CTNNA3: variants seen among roughly 807,000 people sequenced by gnomAD.
The protein encoded by CTNNA3 is catenin alpha-3.
CTNNA3 carries 76 observed loss-of-function variants against 95.7 expected under a neutral mutation model. The observed-to-expected ratio is 0.79, with a 90% CI of 0.66 to 0.96. The LOEUF is 0.96. CTNNA3 is among the 40% of genes least tolerant of loss of function. The probability of loss-of-function intolerance (pLI) is 0.00; values close to 1 mark genes in which losing one functional copy is unlikely to be tolerated. For synonymous variants in CTNNA3, 431 were observed against 374.4 expected, an observed-to-expected ratio of 1.15 and a Z score of -1.74; for missense variants, 1,191 against 1,089.8, an observed-to-expected ratio of 1.09 and a Z score of -1.31.
At chr10:66,334,967 C>G (rs567706896) in intron 12 of CTNNA3, among the ~76,000 whole-genome samples, 1 of 152,166 alleles carries the variant, frequency 6.6e-6, no homozygotes, top group South Asian at 2.1e-4. Flanking sequence ...CTTCTCGCTT[C>G]ATTTTATTCA....
intron 13 of CTNNA3, among the ~76,000 whole-genome samples, chr10:66,259,906 G>A (rs10509260): frequency 0.19 from 28,942 of 152,100 alleles, 3,080 homozygotes; most frequent in East Asian, 0.32. Context: ...AAACGAAAGA[G>A]TTGAGCTGCA....
intron 9 of CTNNA3, among the ~76,000 whole-genome samples, chr10:66,677,161 C>A (rs992734407): frequency 6.6e-6 from 1 of 152,006 alleles, no homozygotes; most frequent in Non-Finnish European, 1.5e-5. Flanking sequence ...AGATCAGGAA[C>A]CCTTATTCTG....
intron 13 of CTNNA3, among the ~76,000 whole-genome samples, chr10:66,255,983 C>T (rs2090754933): frequency 6.6e-6 from 1 of 152,118 alleles, no homozygotes; most frequent in Non-Finnish European, 1.5e-5. Context: ...GTGGATGAAA[C>T]TCATGCTCGT....
At chr10:66,635,374 T>A (rs1239261923) in intron 9 of CTNNA3, among the ~76,000 whole-genome samples, 1 of 152,096 alleles carries the variant, frequency 6.6e-6, no homozygotes, top group Non-Finnish European at 1.5e-5. Flanking sequence ...ATTAATAGGA[T>A]CATTGTGGAA....
chr10:66,900,464 C>G lies in CTNNA3; in HGVS notation c.1048-124940G>C, dbSNP rs1056261422. Among the ~76,000 whole-genome samples, 13 of 152,288 alleles carry G rather than the reference C, an allele frequency of 8.5e-5. No homozygotes were observed. The East Asian group carries it at 2.5e-3, about 29-fold the overall frequency. On this transcript the variant is annotated intron_variant, in intron 7 of 17. Coordinates refer to ENST00000433211, the MANE Select transcript of CTNNA3 (RefSeq NM_013266.4). ...ATTTCAAAAAAACAGAGTGCCTCTT[C>G]TCCCCCAGAGGATCACAGCTCCTCG...
rs559844359 is a variant in CTNNA3, at chr10:66,147,017, C to A, written c.1885-43768G>T. Among the ~76,000 whole-genome samples, 7 of 152,198 alleles carry A rather than the reference C, an allele frequency of 4.6e-5. No homozygotes were observed. In the South Asian group the frequency reaches 1.5e-3, roughly 32 times the overall value. ...ATGCTTTTGTTCTGAGGATATAAACCTTCTAAATTGCTCTTGAAGGTTGAA... is the reference window on the plus strand; with the variant it reads ...ATGCTTTTGTTCTGAGGATATAAACATTCTAAATTGCTCTTGAAGGTTGAA... On this transcript the variant is annotated intron_variant, in intron 13 of 17. Transcript: ENST00000433211.
chr10:66,458,994 T>C (rs2093511739), intron 11 of CTNNA3, among the ~76,000 whole-genome samples: 6 of 152,104 alleles, frequency 3.9e-5, no homozygotes, highest in Admixed American at 3.9e-4. Flanking sequence ...TATGCAGATA[T>C]TTTCAATAAA....
intron 5 of CTNNA3, among the ~76,000 whole-genome samples, chr10:67,304,858 G>A (rs1564550576): frequency 6.6e-6 from 1 of 151,958 alleles, no homozygotes; most frequent in Non-Finnish European, 1.5e-5. Context: ...AGGCTTTCTG[G>A]AGGAGACATC....
intron 5 of CTNNA3, among the ~76,000 whole-genome samples, chr10:67,374,006 T>C (rs1053692473): frequency 2.0e-5 from 3 of 152,210 alleles, no homozygotes; most frequent in Admixed American, 6.5e-5. Context: ...AAATGGTTCC[T>C]AGCAAATGGT....
Position 66,360,821 on chromosome 10 carries a change from CTTTCTTT to C in CTNNA3, c.1732+18324_1732+18330del, listed in dbSNP as rs1564897405. Among the ~76,000 whole-genome samples the C allele has an allele frequency of 7.5e-3, 405 of 53,936 alleles. 27 individuals carry two copies. Among genetic ancestry groups the C allele is most frequent in the African/African-American group, 0.042 (377 of 9,062 alleles). 35.4% of individuals were successfully genotyped at this position (53,936 alleles called of 152,430 possible). On this transcript the variant is annotated intron_variant, in intron 12 of 17. Transcript: ENST00000433211. ...CCTTCCTTCCTTCCTTCCTTCCTTT[CTTTCTTT>C]CTTTCTTTCTTTCTTTCTTTCTTTC... is the stretch of plus-strand genomic sequence containing the variant.
intron 7 of CTNNA3, among the ~76,000 whole-genome samples, chr10:66,932,073 C>G (rs181358459): frequency 2.0e-5 from 3 of 152,156 alleles, no homozygotes; most frequent in Admixed American, 1.3e-4. Context: ...GCTGATTGTG[C>G]CAGTGACCTG....
At chr10:66,591,621 A>G (rs1843554217) in intron 10 of CTNNA3, among the ~76,000 whole-genome samples, 1 of 152,032 alleles carries the variant, frequency 6.6e-6, no homozygotes, top group Admixed American at 6.6e-5. Flanking sequence ...ACCCATCTTT[A>G]GCTAACTCTC....
chr10:66,419,351 A>G (rs1401614482), intron 11 of CTNNA3, among the ~76,000 whole-genome samples: 1 of 152,126 alleles, frequency 6.6e-6, no homozygotes, highest in African/African-American at 2.4e-5. Flanking sequence ...AAATATCTCT[A>G]CAAGGAAAAC....
intron 5 of CTNNA3, among the ~76,000 whole-genome samples, chr10:67,256,105 C>T (rs1167849529): frequency 2.0e-5 from 3 of 152,050 alleles, no homozygotes; most frequent in African/African-American, 4.8e-5. Context: ...TTCTCTATCA[C>T]CAAACTGGAC....
chr10:67,595,354 A>G (rs890394121), intron 3 of CTNNA3, among the ~76,000 whole-genome samples: 5 of 152,138 alleles, frequency 3.3e-5, no homozygotes, highest in African/African-American at 1.2e-4. Context: ...CATTTATTCC[A>G]AAGTATTTCT....
intron 1 of CTNNA3, among the ~76,000 whole-genome samples, chr10:67,732,799 A>G (rs1223653633): frequency 1.3e-5 from 2 of 152,164 alleles, no homozygotes; most frequent in African/African-American, 4.8e-5. Context: ...CAGTATCAAC[A>G]CAGTGTAATA....
intron 7 of CTNNA3, among the ~76,000 whole-genome samples, chr10:66,899,004 T>C (rs1845613629): frequency 6.6e-6 from 1 of 152,186 alleles, no homozygotes; most frequent in South Asian, 2.1e-4. Flanking sequence ...GAGGAACCCC[T>C]ACAATTCAAC....
At chr10:67,579,567 C>T (rs1398480091) in intron 3 of CTNNA3, among the ~76,000 whole-genome samples, 2 of 151,964 alleles carry the variant, frequency 1.3e-5, no homozygotes, top group Admixed American at 1.3e-4. Flanking sequence ...GGGTATATAC[C>T]CAGTAATGGG....
intron 13 of CTNNA3, among the ~76,000 whole-genome samples, chr10:66,141,586 G>C (rs1484248776): frequency 6.6e-6 from 1 of 152,054 alleles, no homozygotes; most frequent in Non-Finnish European, 1.5e-5. Flanking sequence ...ATCTTAACTT[G>C]CCTCAACATA....
Sources: allele counts gnomAD v4.1 joint callset (sites outside exome capture counted in the v4.1 genomes callset), GRCh38; gene constraint gnomAD v4.1.1; transcripts MANE v1.5; gene names NCBI Gene and HGNC (gene_info 2026-07-23, HGNC 2026-07-21).